ARIH1: variants seen among roughly 807,000 people sequenced by gnomAD.
The protein encoded by ARIH1 is ariadne RBR E3 ubiquitin protein ligase 1.
In ARIH1, 8 loss-of-function variants were observed where a neutral mutation model predicts 85.0. The observed-to-expected ratio is 0.09, with a 90% CI of 0.06 to 0.17. The LOEUF is 0.17. Ranked by LOEUF, ARIH1 falls within the 10% of genes least tolerant of loss-of-function variation. ARIH1 has a pLI of 1.00. For missense variants in ARIH1, 311 were observed against 718.1 expected (o/e 0.43, Z 6.48); for synonymous variants, 238 against 253.6 (o/e 0.94, Z 0.59).
At position 72,583,506 on chromosome 15, in the gene ARIH1, CAA is replaced by C. The variant is rs1408589665; in HGVS notation, c.*217_*218del. 4.2e-5 allele frequency: 18 copies of C among 428,006 alleles called. 1 individual carries two copies. The highest frequency in any genetic ancestry group is 6.1e-4 in the Middle Eastern group (1 of 1,630). The allele number at this position is 428,006 out of a possible 1,614,324, so 26.5% of individuals were successfully genotyped here. A position where few individuals can be genotyped will look rare whatever the true frequency, so the allele number is the denominator to read the frequency against. ...GTACAACAGTATTCTAGGCCACCAA[CAA>C]AAGTGTGACAGACACACTAAAAGCC... On this transcript the variant is annotated 3_prime_UTR_variant, in exon 14 of 14. Coordinates refer to ENST00000379887, the MANE Select transcript of ARIH1 (RefSeq NM_005744.5).
chr15:72,506,383 T>C (rs1220825990), intron 1 of ARIH1, among the ~76,000 whole-genome samples: 1 of 71,100 alleles, frequency 1.4e-5, no homozygotes, highest in South Asian at 7.0e-4. Flanking sequence ...AAAAAGAACT[T>C]AGTCATTGTG....
intron 8 of ARIH1, 107 bp downstream of exon 8, chr15:72,566,712 T>TC (rs1184876164): frequency 9.9e-7 from 1 of 1,009,698 alleles, no homozygotes; most frequent in Non-Finnish European, 1.5e-6. Context: ...ATAGATTTTT[T>TC]TTTATCCTTT....
At chr15:72,541,305 C>G (rs985711095) in intron 2 of ARIH1, among the ~76,000 whole-genome samples, 2 of 151,918 alleles carry the variant, frequency 1.3e-5, no homozygotes, top group African/African-American at 4.8e-5. Flanking sequence ...AGCTTTTCTC[C>G]CAACAAAAAG....
At chr15:72,561,710 G>T (rs1355498902) in intron 6 of ARIH1, among the ~76,000 whole-genome samples, 161 bp downstream of exon 6, 1 of 152,202 alleles carries the variant, frequency 6.6e-6, no homozygotes, top group Non-Finnish European at 1.5e-5. Context: ...GGCCAGGTGT[G>T]GTGGCTCATG....
chr15:72,518,931 C>A (rs2063986911), intron 2 of ARIH1, among the ~76,000 whole-genome samples: 1 of 152,038 alleles, frequency 6.6e-6, no homozygotes, highest in African/African-American at 2.4e-5. Context: ...GGTTTCAGGG[C>A]AGGATTCTAT....
At chr15:72,556,723 C>T (rs2064176290) in intron 5 of ARIH1, among the ~76,000 whole-genome samples, 1 of 152,210 alleles carries the variant, frequency 6.6e-6, no homozygotes, top group Non-Finnish European at 1.5e-5. Context: ...TCCCACCCTA[C>T]CCACTCTAGT....
intron 2 of ARIH1, among the ~76,000 whole-genome samples, chr15:72,535,424 A>G (rs980130682): frequency 6.6e-6 from 1 of 152,224 alleles, no homozygotes; most frequent in Non-Finnish European, 1.5e-5. Flanking sequence ...AACTAGCATA[A>G]TTCCTACATA....
intron 1 of ARIH1, among the ~76,000 whole-genome samples, chr15:72,487,081 T>A (rs1022822877): frequency 2.1e-5 from 3 of 145,242 alleles, no homozygotes; most frequent in African/African-American, 8.3e-5. Flanking sequence ...ATTATTATTA[T>A]TTTTTTTTGT....
At chr15:72,541,642 A>G (rs1011904263) in intron 2 of ARIH1, among the ~76,000 whole-genome samples, 1 of 152,262 alleles carries the variant, frequency 6.6e-6, no homozygotes, top group Admixed American at 6.5e-5. Context: ...TTTATCGACT[A>G]CAAGAGCAGA....
intron 5 of ARIH1, among the ~76,000 whole-genome samples, chr15:72,557,982 T>A (rs1231379862): frequency 6.6e-6 from 1 of 152,218 alleles, no homozygotes; most frequent in Non-Finnish European, 1.5e-5. Context: ...AGAATCATCA[T>A]CAGTGAAGAT....
intron 1 of ARIH1, among the ~76,000 whole-genome samples, chr15:72,498,734 G>T (rs998015547): frequency 6.6e-6 from 1 of 151,736 alleles, no homozygotes; most frequent in African/African-American, 2.4e-5. Context: ...CAGCTACCTG[G>T]GAGGCTGAGG....
At chr15:72,489,963 C>G (rs2063852489) in intron 1 of ARIH1, among the ~76,000 whole-genome samples, 1 of 151,982 alleles carries the variant, frequency 6.6e-6, no homozygotes, top group African/African-American at 2.4e-5. Context: ...TTAGAAGGCT[C>G]TCTTTGGAAA....
rs1250683145 is a variant in ARIH1, at chr15:72,594,229, G to A, written c.*10937G>A. On this transcript the variant is annotated 3_prime_UTR_variant, in exon 14 of 14. Transcript: ENST00000379887. Reference sequence around the variant, plus strand: ...TTGTTGGCTAGGCTGGAGTGCAGTGGCGCGATCTTGGCTCACTGCAACCTC... The same window carrying A: ...TTGTTGGCTAGGCTGGAGTGCAGTGACGCGATCTTGGCTCACTGCAACCTC... The A allele has an allele frequency of 6.6e-6, 1 of 150,386 alleles. No homozygotes were observed. Among genetic ancestry groups the A allele is most frequent in the Non-Finnish European group, 1.5e-5 (1 of 67,726 alleles). The allele number at this position is 150,386 out of a possible 1,614,324, so 9.3% of individuals were successfully genotyped here. A position where few individuals can be genotyped will look rare whatever the true frequency, so the allele number is the denominator to read the frequency against.
rs2064324812 is a variant in ARIH1 at position 72,587,972 on chromosome 15, G to A, written c.*4680G>A. ...AAGCAGTTTTCAGGCTATCATTTAG[G>A]GCCACAGATATGCTTATTTAGGACT... On this transcript the variant is annotated 3_prime_UTR_variant, in exon 14 of 14. Coordinates refer to ENST00000379887, the MANE Select transcript of ARIH1 (RefSeq NM_005744.5). The A allele has an allele frequency of 6.6e-6, 1 of 152,096 alleles. No homozygotes were observed. Among genetic ancestry groups the A allele is most frequent in the Admixed American group, 6.6e-5 (1 of 15,258 alleles). 9.4% of individuals were successfully genotyped at this position (152,096 alleles called of 1,614,324 possible). A position where few individuals can be genotyped will look rare whatever the true frequency, so the allele number is the denominator to read the frequency against.
intron 1 of ARIH1, among the ~76,000 whole-genome samples, chr15:72,477,656 G>C (rs529100414): frequency 6.6e-6 from 1 of 152,066 alleles, no homozygotes; most frequent in African/African-American, 2.4e-5. Flanking sequence ...CAGAAAACTT[G>C]GTTTTCTGGC....
chr15:72,520,459 C>T (rs1428554862), intron 2 of ARIH1, among the ~76,000 whole-genome samples: 1 of 150,050 alleles, frequency 6.7e-6, no homozygotes, highest in Non-Finnish European at 1.5e-5. Context: ...ATGTAGGTGC[C>T]GTTTAAAAAA....
intron 3 of ARIH1, among the ~76,000 whole-genome samples, chr15:72,555,037 C>A (rs1218439208): frequency 2.0e-5 from 3 of 152,128 alleles, no homozygotes; most frequent in African/African-American, 7.2e-5. Context: ...GCTCATTTGT[C>A]TTTTTATATT....
chr15:72,556,036 TAG>T, intron 5 of ARIH1, 129 bp downstream of exon 5: 1 of 706,488 alleles, frequency 1.4e-6, no homozygotes, highest in Non-Finnish European at 2.3e-6. Flanking sequence ...CTGCGTTCCT[TAG>T]TAGTAGTACA....
At chr15:72,511,566 A>G (rs2063950662) in intron 1 of ARIH1, among the ~76,000 whole-genome samples, 1 of 152,114 alleles carries the variant, frequency 6.6e-6, no homozygotes, top group Non-Finnish European at 1.5e-5. Context: ...TGGCCTCTCA[A>G]AGTGCTAGGA....
Sources: gnomAD v4.1 joint callset for allele counts (sites outside exome capture counted in the v4.1 genomes callset) on GRCh38, gnomAD v4.1.1 for gene constraint, MANE v1.5 for transcripts, NCBI Gene and HGNC (gene_info 2026-07-23, HGNC 2026-07-21) for gene names.